The following PEX7 variants were observed in gnomAD, a reference collection of about 807,000 sequenced individuals.
PEX7 encodes peroxisomal biogenesis factor 7.
In PEX7, 34 loss-of-function variants were observed where a neutral mutation model predicts 47.5. The ratio of observed to expected loss-of-function variants is 0.72; its 90% CI spans 0.54 to 0.95. The LOEUF (loss-of-function observed/expected upper bound fraction) is 0.95. Ranked by LOEUF, PEX7 falls within the 40% of genes least tolerant of loss-of-function variation. The pLI, the probability that PEX7 is intolerant of heterozygous loss-of-function variation, is 0.00. For missense variants in PEX7, 394 were observed against 400.3 expected (o/e 0.98, Z 0.13); for synonymous variants, 141 against 148.8 (o/e 0.95, Z 0.38).
At chr6:136,855,539 C>T (rs1774846030) in intron 5 of PEX7, among the ~76,000 whole-genome samples, 1 of 152,124 alleles carries the variant, frequency 6.6e-6, no homozygotes, top group East Asian at 1.9e-4. Context: ...GGGCTTTCGC[C>T]TTGTTGGCCA....
intron 8 of PEX7, among the ~76,000 whole-genome samples, chr6:136,884,972 A>G (rs781223988): frequency 2.0e-5 from 3 of 152,108 alleles, no homozygotes; most frequent in African/African-American, 2.4e-5. Context: ...TCTTTTTCCT[A>G]TATACTGTCC....
intron 8 of PEX7, among the ~76,000 whole-genome samples, chr6:136,891,597 G>A (rs1775555106): frequency 6.6e-6 from 1 of 150,874 alleles, no homozygotes; most frequent in Non-Finnish European, 1.5e-5. Flanking sequence ...GTTACCATCA[G>A]TAAATATTTT....
At chr6:136,850,623 A>G (rs537112189) in intron 5 of PEX7, among the ~76,000 whole-genome samples, 17 of 152,304 alleles carry the variant, frequency 1.1e-4, no homozygotes, top group African/African-American at 4.1e-4. Flanking sequence ...GGCAAGGACA[A>G]ATTCATGGAT....
rs146136559 is a variant in PEX7 at position 136,835,382 on chromosome 6, G to A, written c.339+8913G>A. 1.2e-3 allele frequency among the ~76,000 whole-genome samples: 178 copies of A among 151,806 alleles called. 1 individual carries two copies. The highest frequency in any genetic ancestry group is 4.0e-3 in the African/African-American group (166 of 41,406). On this transcript the variant is annotated intron_variant, in intron 3 of 9. Transcript: ENST00000318471. Reference sequence around the variant, plus strand: ...CAGCTCACTGCAACTTCCACCTCCCGGGTTCAAGCAATTCTCCTGCCTCAG... The same window carrying A: ...CAGCTCACTGCAACTTCCACCTCCCAGGTTCAAGCAATTCTCCTGCCTCAG...
chr6:136,829,061 A>G (rs1172143519), intron 3 of PEX7, among the ~76,000 whole-genome samples: 1 of 152,228 alleles, frequency 6.6e-6, no homozygotes, highest in African/African-American at 2.4e-5. Context: ...TTAGTGTAAT[A>G]GAAAACAATT....
At chr6:136,828,977 ATTCTAGTTAGACTTCCTCGT>A (rs780297994) in intron 3 of PEX7, among the ~76,000 whole-genome samples, 31 of 152,306 alleles carry the variant, frequency 2.0e-4, no homozygotes, top group Non-Finnish European at 4.0e-4. Flanking sequence ...GCGTACTGCT[ATTCTAGTTAGACTTCCTCGT>A]TTTCTTTTCA....
At chr6:136,883,072 GATT>G (rs1424805956) in intron 8 of PEX7, among the ~76,000 whole-genome samples, 22 of 152,252 alleles carry the variant, frequency 1.4e-4, no homozygotes, top group African/African-American at 5.1e-4. Context: ...ACTTATGATT[GATT>G]ATGACTTCTT....
At chr6:136,885,664 C>T (rs1032702137) in intron 8 of PEX7, among the ~76,000 whole-genome samples, 9 of 152,102 alleles carry the variant, frequency 5.9e-5, no homozygotes, top group Non-Finnish European at 1.2e-4. Flanking sequence ...AAAATGAAGG[C>T]TTGGAGACAA....
chr6:136,874,640 G>C (rs368282028), intron 8 of PEX7, among the ~76,000 whole-genome samples: 4 of 146,490 alleles, frequency 2.7e-5, no homozygotes, highest in African/African-American at 1.0e-4. Flanking sequence ...CTGCACTCCA[G>C]CCTGGGTGAC....
intron 9 of PEX7, 89 bp from the exon 10 acceptor site, chr6:136,913,366 TACG>T (rs1775962549): frequency 3.5e-6 from 3 of 849,968 alleles, no homozygotes; most frequent in East Asian, 2.4e-5. Context: ...GTGGATGATT[TACG>T]ACACTCTAAA....
intron 9 of PEX7, among the ~76,000 whole-genome samples, chr6:136,913,142 A>G (rs1775959007): frequency 1.3e-5 from 2 of 152,182 alleles, no homozygotes; most frequent in African/African-American, 2.4e-5. Context: ...TTCGACATTT[A>G]TATCAGATAG....
At chr6:136,823,256 G>A (rs1437795179) in intron 1 of PEX7, 6 of 985,396 alleles carry the variant, frequency 6.1e-6, no homozygotes, top group South Asian at 4.7e-5. Context: ...TGCGACCTGC[G>A]GGCTGGCCTT....
At chr6:136,835,180 C>A (rs1774362934) in intron 3 of PEX7, among the ~76,000 whole-genome samples, 1 of 152,078 alleles carries the variant, frequency 6.6e-6, no homozygotes, top group Admixed American at 6.5e-5. Flanking sequence ...CCGCCTCAGC[C>A]TCCCAAAGTG....
chr6:136,893,320 G>T lies in PEX7; in HGVS notation c.804-4822G>T, dbSNP rs143573835. Among the ~76,000 whole-genome samples the T allele has an allele frequency of 6.6e-5, 10 of 152,082 alleles. No individual in the cohort carries two copies. The East Asian group carries it at 1.7e-3, about 26-fold the overall frequency. Reference sequence around the variant, plus strand: ...CCTGCGCCAGCCTCATGGGCCCTCTGGTCACACACTGTCAGGCTCCTTGCA... The same window carrying T: ...CCTGCGCCAGCCTCATGGGCCCTCTTGTCACACACTGTCAGGCTCCTTGCA... On this transcript the variant is annotated intron_variant, in intron 8 of 9. Coordinates refer to ENST00000318471, the MANE Select transcript of PEX7 (RefSeq NM_000288.4).
intron 8 of PEX7, among the ~76,000 whole-genome samples, chr6:136,897,507 T>G (rs564916357): frequency 7.0e-4 from 107 of 152,336 alleles, no homozygotes; most frequent in African/African-American, 2.4e-3. Flanking sequence ...TACATAATAT[T>G]GGCTCAGGAA....
intron 5 of PEX7, among the ~76,000 whole-genome samples, chr6:136,848,226 C>T (rs1202907713): frequency 1.3e-5 from 2 of 152,188 alleles, no homozygotes; most frequent in African/African-American, 4.8e-5. Flanking sequence ...AGCTGCTTAT[C>T]AGCTTGAGAT....
intron 3 of PEX7, among the ~76,000 whole-genome samples, chr6:136,841,692 T>A (rs1206709863): frequency 6.6e-6 from 1 of 152,160 alleles, no homozygotes; most frequent in Admixed American, 6.5e-5. Flanking sequence ...CAAGCCATCC[T>A]CCCACCCCAG....
In PEX7 at chr6:136,895,935, AG is replaced by A. The variant is rs569040311; in HGVS notation, c.804-2205del. Among the ~76,000 whole-genome samples, 56 of 144,686 alleles carry A rather than the reference AG, an allele frequency of 3.9e-4. 1 individual carries two copies. The highest frequency in any genetic ancestry group is 3.8e-3 in the Middle Eastern group (1 of 264). The allele number at this position is 144,686 out of a possible 152,430, so 94.9% of individuals were successfully genotyped here. On this transcript the variant is annotated intron_variant, in intron 8 of 9. Coordinates refer to ENST00000318471, the MANE Select transcript of PEX7 (RefSeq NM_000288.4). ...TGATTCTGTGGTGTAGAACTCTGTG[AG>A]GCTTTGACTACCCATTAGCTGTATA...
At chr6:136,893,549 G>C (rs546047992) in intron 8 of PEX7, among the ~76,000 whole-genome samples, 1 of 152,314 alleles carries the variant, frequency 6.6e-6, no homozygotes, top group Admixed American at 6.5e-5. Flanking sequence ...AGCCGCACAG[G>C]AGGGCTGAGG....
Sources: allele counts gnomAD v4.1 joint callset (sites outside exome capture counted in the v4.1 genomes callset), GRCh38; gene constraint gnomAD v4.1.1; transcripts MANE v1.5; gene names NCBI Gene and HGNC (gene_info 2026-07-23, HGNC 2026-07-21).